The following MAST3 variants were observed in gnomAD, a reference collection of about 807,000 sequenced individuals.
The protein encoded by MAST3 is microtubule associated serine/threonine kinase 3, also known as microtubule-associated serine/threonine-protein kinase 3.
A neutral mutation model predicts 127.0 loss-of-function variants in MAST3; 43 were observed. That is an observed-to-expected ratio of 0.34 (90% CI 0.27 to 0.44). The LOEUF (loss-of-function observed/expected upper bound fraction) is 0.44. Ranked by LOEUF, MAST3 falls within the 20% of genes least tolerant of loss-of-function variation. The pLI, the probability that MAST3 is intolerant of heterozygous loss-of-function variation, is 1.00. For missense variants in MAST3, 1,390 were observed against 1,919.1 expected (o/e 0.72, Z 5.15); for synonymous variants, 785 against 809.2 (o/e 0.97, Z 0.51).
Position 18,123,956 on chromosome 19 carries a change from G to A in MAST3, c.651G>A (p.Glu217=), listed in dbSNP as rs1247858646. 2 of 1,571,358 alleles carry A rather than the reference G, an allele frequency of 1.3e-6. No homozygotes were observed. The highest frequency in any genetic ancestry group is 1.7e-6 in the Non-Finnish European group (2 of 1,162,884). The change falls in exon 9 of 28, where the codon GAG becomes GAA. Residue 217 remains glutamate, a synonymous_variant. Coordinates refer to ENST00000687212, the MANE Select transcript of MAST3 (RefSeq NM_001393504.1). ...ERFPKATAQM[E]GRLQEFLTAY... is the part of the protein sequence containing the mutation. The stretch of plus-strand genomic sequence containing the variant: ...CCACCCAGGCCACAGCACAGATGGA[G>A]GGCCGTCTGCAGGAGTTCCTGACGG...
chr19:18,115,531 C>T (rs549691565), intron 3 of MAST3, among the ~76,000 whole-genome samples: 2 of 152,156 alleles, frequency 1.3e-5, no homozygotes, highest in South Asian at 4.1e-4. Context: ...AATCTGCACC[C>T]CGCATGAGGC....
intron 2 of MAST3, among the ~76,000 whole-genome samples, chr19:18,108,609 C>G (rs2146897670): frequency 6.6e-6 from 1 of 152,322 alleles, no homozygotes; most frequent in South Asian, 2.1e-4. Flanking sequence ...CTCAAGCGAT[C>G]TGCCTGCCTC....
intron 1 of MAST3, among the ~76,000 whole-genome samples, chr19:18,104,371 T>C (rs985261594): frequency 2.0e-5 from 3 of 151,828 alleles, no homozygotes; most frequent in African/African-American, 7.3e-5. Flanking sequence ...GAGGGGTAGA[T>C]TATTCTCCTC....
chr19:18,149,275 C>G lies in MAST3; in HGVS notation c.3593C>G (p.Ser1198Cys), dbSNP rs1457493151. 1.3e-6 allele frequency: 2 copies of G among 1,548,460 alleles called. No individual in the cohort carries two copies. Among genetic ancestry groups the G allele is most frequent in the African/African-American group, 1.4e-5 (1 of 71,036 alleles). Residue 1198 changes from serine to cysteine, a missense_variant, in exon 28 of 28, where the codon TCC becomes TGC. Transcript: ENST00000687212. This position sits in a 1 kb window ranked among gnomAD's most constrained non-coding sequence, Gnocchi z 5.9. ...PAAAGHTRPS[S>C]LHGLAAKLGP... ...GCTGCTGGCCACACCCGCCCCAGCT[C>G]CCTGCACGGCCTGGCTGCCAAGCTT... is the stretch of plus-strand genomic sequence containing the variant.
rs761452439 is a variant in MAST3, at chr19:18,144,440, C to T, written c.2585-26C>T. 3 of 1,535,894 alleles carry T rather than the reference C, an allele frequency of 2.0e-6. No individual in the cohort carries two copies. The highest frequency in any genetic ancestry group is 4.9e-5 in the East Asian group (2 of 40,920). On this transcript the variant is annotated intron_variant, in intron 22 of 27. Coordinates refer to ENST00000687212, the MANE Select transcript of MAST3 (RefSeq NM_001393504.1). This position sits in a 1 kb window ranked among gnomAD's most constrained non-coding sequence, Gnocchi z 4.0. ...GACCACATGGTGAGTTTGAGGGGCACCCAGCTGACCCTGCTGACCCTCTAG... is the reference window on the plus strand; with the variant it reads ...GACCACATGGTGAGTTTGAGGGGCATCCAGCTGACCCTGCTGACCCTCTAG...
At chr19:18,100,523 A>T (rs1226385139) in intron 1 of MAST3, among the ~76,000 whole-genome samples, 1 of 152,206 alleles carries the variant, frequency 6.6e-6, no homozygotes, top group Non-Finnish European at 1.5e-5. Flanking sequence ...GTGGAAGAAG[A>T]TTAAAATAAT....
At position 18,124,330 on chromosome 19, in the gene MAST3, C is replaced by G. The variant is rs1476029358; in HGVS notation, c.909C>G (p.Ile303Met). 6.2e-7 allele frequency: 1 copy of G among 1,609,260 alleles called. No individual in the cohort carries two copies. Residue 303 changes from isoleucine (I) to methionine (M), a missense_variant, in exon 10 of 28, where the codon ATC becomes ATG. Physicochemically the swap from Ile to Met is conservative, Grantham distance 10. Around this residue, in one of 5 missense-constraint regions of MAST3, gnomAD observed 277 missense variants for 384.8 expected, o/e 0.72. Transcript: ENST00000687212. ...TCCAGCTTGTCCGGAAACTGCTGAT[C>G]ATCATCTCACGGCCAGCTCGGCTGC... The part of the protein sequence containing the change: ...FIVQLVRKLL[I>M]IISRPARLLE...
At chr19:18,136,105 A>G (rs1169430531) in intron 18 of MAST3, among the ~76,000 whole-genome samples, 1 of 152,172 alleles carries the variant, frequency 6.6e-6, no homozygotes, top group Non-Finnish European at 1.5e-5. Context: ...AGTCACCAGG[A>G]CCTGTGTCAA....
At chr19:18,111,090 C>T (rs1267085759) in intron 3 of MAST3, among the ~76,000 whole-genome samples, 7 of 152,124 alleles carry the variant, frequency 4.6e-5, no homozygotes, top group Non-Finnish European at 1.0e-4. Flanking sequence ...GAGAAAGCTC[C>T]TCCCTCTAAA....
rs2043098557 is a variant in MAST3 at position 18,147,078 on chromosome 19, T to C, written c.3326+34T>C. The C allele has an allele frequency of 1.9e-5, 27 of 1,402,680 alleles. No homozygotes were observed. In the South Asian group the frequency reaches 3.0e-4, roughly 16 times the overall value. 86.9% of individuals were successfully genotyped at this position (1,402,680 alleles called of 1,614,324 possible). A position where few individuals can be genotyped will look rare whatever the true frequency, so the allele number is the denominator to read the frequency against. On this transcript the variant is annotated intron_variant, in intron 26 of 27. Transcript: ENST00000687212. The stretch of plus-strand genomic sequence containing the variant: ...GGGGCGGGGCCACGGGGACTGGGGT[T>C]CTTTTTTTCTTTTCTTTTTCCTTTT...
intron 3 of MAST3, among the ~76,000 whole-genome samples, chr19:18,113,500 G>A (rs1191727372): frequency 1.3e-5 from 2 of 151,968 alleles, no homozygotes; most frequent in Admixed American, 6.6e-5. Context: ...TCCTCTTGTT[G>A]CACAGGCTGC....
In MAST3 at chr19:18,133,549, AT is replaced by A. The variant is rs3048882; in HGVS notation, c.1572-1007del. On this transcript the variant is annotated intron_variant, in intron 15 of 27. Transcript: ENST00000687212. ...CATGCGCCACCACTACGCCCAGCTAATTTTTTTTTTTTTTTTTTTTTTTGAG... is the reference window on the plus strand; with the variant it reads ...CATGCGCCACCACTACGCCCAGCTAATTTTTTTTTTTTTTTTTTTTTTGAG... Among the ~76,000 whole-genome samples, 94 of 91,840 alleles carry A rather than the reference AT, an allele frequency of 1.0e-3. 1 individual carries two copies. The highest frequency in any genetic ancestry group is 3.5e-3 in the African/African-American group (76 of 21,724). 60.3% of individuals were successfully genotyped at this position (91,840 alleles called of 152,430 possible).
chr19:18,146,399 C>A (rs976066909), intron 25 of MAST3, among the ~76,000 whole-genome samples: 9 of 152,136 alleles, frequency 5.9e-5, no homozygotes, highest in African/African-American at 2.2e-4. Context: ...GAGCTGTGAT[C>A]GTGCCATACT....
chr19:18,106,873 C>T (rs1401238948), intron 1 of MAST3, among the ~76,000 whole-genome samples: 1 of 151,526 alleles, frequency 6.6e-6, no homozygotes, highest in Non-Finnish European at 1.5e-5. Flanking sequence ...GCCTGACCGG[C>T]CCGGCCTTTT....
chr19:18,149,732 T>C lies in MAST3; in HGVS notation c.*6T>C, dbSNP rs548765858. ...GGCCCACCGGAAGAGACTGATCCCC[T>C]GCCAGGTCTCTCCCTGGCATCAAAG... On this transcript the variant is annotated 3_prime_UTR_variant, in exon 28 of 28. Coordinates refer to ENST00000687212, the MANE Select transcript of MAST3 (RefSeq NM_001393504.1). This position sits in a 1 kb window ranked among gnomAD's most constrained non-coding sequence, Gnocchi z 5.9. The C allele has an allele frequency of 2.9e-5, 46 of 1,611,054 alleles. No homozygotes were observed. In the East Asian group the frequency reaches 9.2e-4, roughly 32 times the overall value.
rs569357204 is a variant in MAST3, at chr19:18,134,468, G to T, written c.1572-111G>T. 6.4e-6 allele frequency: 9 copies of T among 1,401,716 alleles called. No homozygotes were observed. In the African/African-American group the frequency reaches 1.3e-4, roughly 20 times the overall value. The allele number at this position is 1,401,716 out of a possible 1,614,324, so 86.8% of individuals were successfully genotyped here. A position where few individuals can be genotyped will look rare whatever the true frequency, so the allele number is the denominator to read the frequency against. On this transcript the variant is annotated intron_variant, in intron 15 of 27. Transcript: ENST00000687212. ...GAGCAGGAGGATCGCTAGGGCCCAG[G>T]AGTTGGAGGCAGAGCTCTGCCCATC... is the stretch of plus-strand genomic sequence containing the variant.
chr19:18,124,871 T>G, intron 11 of MAST3, 97 bp downstream of exon 11: 2 of 1,422,444 alleles, frequency 1.4e-6, no homozygotes, highest in South Asian at 3.1e-5. Flanking sequence ...TTTGGGAAGC[T>G]AAGGCGGGCA....
Position 18,124,059 on chromosome 19 carries a change from C to A in MAST3, c.754C>A (p.Arg252=). The change falls in exon 9 of 28, where the codon CGA becomes AGA. Residue 252 remains arginine, a synonymous_variant. Transcript: ENST00000687212. The part of the protein sequence containing the change: ...FIHHQIVELA[R]DCLAKSGENL... ...CCACCACCAGATCGTCGAGCTGGCC[C>A]GAGACTGCTTGGCCAAGTCTGGCGA... 6.2e-7 allele frequency: 1 copy of A among 1,608,816 alleles called. No individual in the cohort carries two copies. The highest frequency in any genetic ancestry group is 8.5e-7 in the Non-Finnish European group (1 of 1,177,878).
At chr19:18,126,981 T>C (rs1223600766) in intron 11 of MAST3, among the ~76,000 whole-genome samples, 1 of 150,968 alleles carries the variant, frequency 6.6e-6, no homozygotes, top group Non-Finnish European at 1.5e-5. Context: ...GGGGTTTCAC[T>C]GTGTTAGCCA....
Sources: allele counts gnomAD v4.1 joint callset (sites outside exome capture counted in the v4.1 genomes callset), GRCh38; gene constraint gnomAD v4.1.1; regional missense constraint gnomAD v4.1.1; non-coding constraint Gnocchi (gnomAD v3.1); transcripts MANE v1.5; gene names NCBI Gene and HGNC (gene_info 2026-07-23, HGNC 2026-07-21).